Variants in TRIM5 observed in about 807,000 individuals in gnomAD.
The protein encoded by TRIM5 is tripartite motif containing 5, also known as tripartite motif-containing protein 5.
A neutral mutation model predicts 35.6 loss-of-function variants in TRIM5; 31 were observed. That is an observed-to-expected ratio of 0.87 (90% CI 0.65 to 1.18). The LOEUF (loss-of-function observed/expected upper bound fraction) is 1.18, where lower values mean the gene tolerates loss of function less well. Ranked by LOEUF, TRIM5 falls within the 50% of genes most tolerant of loss-of-function variation. TRIM5 has a pLI of 0.00. For missense variants in TRIM5, 609 were observed against 591.6 expected, an observed-to-expected ratio of 1.03 and a Z score of -0.31; for synonymous variants, 243 against 215.6, an observed-to-expected ratio of 1.13 and a Z score of -1.11.
At chr11:5,644,500 G>A in the TRIM5 span, 1 of 369,296 alleles carries the variant, frequency 2.7e-6, no homozygotes. Flanking sequence ...AGACTCCACT[G>A]TTAAGACCAC....
chr11:5,632,422 G>T, the TRIM5 span: 1 of 1,614,010 alleles, frequency 6.2e-7, no homozygotes. Context: ...TCTAGACTGT[G>T]GCCACAGCCT....
At chr11:5,637,152 G>A in the TRIM5 span, among the ~76,000 whole-genome samples, 4 of 140,924 alleles carry the variant, frequency 2.8e-5, no homozygotes, top group Non-Finnish European at 4.6e-5. Flanking sequence ...CAGCCTGGGC[G>A]ACAGAGCGAG....
chr11:5,662,304 A>T (rs947732430), downstream of TRIM5, among the ~76,000 whole-genome samples: 1 of 152,256 alleles, frequency 6.6e-6, no homozygotes, highest in Non-Finnish European at 1.5e-5. Flanking sequence ...AACTTGGGAA[A>T]GAGTTGGAAA....
chr11:5,665,837 T>C, intron 6 of TRIM5, 144 bp downstream of exon 6: 1 of 1,328,764 alleles, frequency 7.5e-7, no homozygotes, highest in Non-Finnish European at 1.0e-6. Flanking sequence ...CCATTTCCCA[T>C]TAAATATAAT....
the TRIM5 span, among the ~76,000 whole-genome samples, chr11:5,626,012 G>C: frequency 6.6e-6 from 1 of 152,218 alleles, no homozygotes; most frequent in South Asian, 2.1e-4. Context: ...TTTGCACCTT[G>C]ATTGATATGT....
chr11:5,595,862 T>C, the TRIM5 span, among the ~76,000 whole-genome samples: 4 of 152,236 alleles, frequency 2.6e-5, no homozygotes, highest in East Asian at 5.8e-4. Context: ...TCTGTATTTT[T>C]AGTAGAGACA....
At chr11:5,618,207 T>C in the TRIM5 span, among the ~76,000 whole-genome samples, 4 of 152,068 alleles carry the variant, frequency 2.6e-5, no homozygotes, top group Non-Finnish European at 5.9e-5. Context: ...CCATCTCTAC[T>C]AAAAATACAA....
the TRIM5 span, among the ~76,000 whole-genome samples, chr11:5,655,096 G>A: frequency 2.0e-5 from 3 of 151,878 alleles, no homozygotes; most frequent in African/African-American, 7.3e-5. Context: ...GGGAGGCTGA[G>A]GCAGGAGAAT....
the TRIM5 span, chr11:5,634,947 G>T: frequency 1.4e-6 from 2 of 1,451,772 alleles, no homozygotes; most frequent in Admixed American, 2.3e-5. Context: ...GACACTAAGG[G>T]GTTTCTTTGG....
At chr11:5,681,141 G>A (rs926249224) in intron 1 of TRIM5, among the ~76,000 whole-genome samples, 11 of 152,098 alleles carry the variant, frequency 7.2e-5, no homozygotes, top group African/African-American at 1.7e-4. Context: ...CACACATGTT[G>A]GATACTTGAA....
chr11:5,677,817 C>G (rs532954045), intron 4 of TRIM5: 219 of 159,136 alleles, frequency 1.4e-3, no homozygotes, highest in African/African-American at 5.1e-3. Context: ...AGGAAAAAGT[C>G]TCAATTAATT....
chr11:5,622,481 A>ACGTGGTG, the TRIM5 span, among the ~76,000 whole-genome samples: 45,605 of 149,946 alleles, frequency 0.3, 7,566 homozygotes, highest in East Asian at 0.62. Flanking sequence ...AATTAGCTGG[A>ACGTGGTG]CGTGGTGGCG....
the TRIM5 span, among the ~76,000 whole-genome samples, chr11:5,639,608 A>T: frequency 3.7e-4 from 47 of 127,916 alleles, no homozygotes; most frequent in African/African-American, 1.3e-3. Context: ...TGAACCGGGG[A>T]GGTGGAGGTT....
the TRIM5 span, chr11:5,642,675 A>G: frequency 7.6e-7 from 1 of 1,313,778 alleles, no homozygotes; most frequent in East Asian, 2.8e-5. Context: ...AAAAATGGCT[A>G]GGTCTCTGGT....
the TRIM5 span, among the ~76,000 whole-genome samples, chr11:5,633,544 C>T: frequency 7.4e-4 from 112 of 152,300 alleles, no homozygotes; most frequent in Non-Finnish European, 1.4e-3. Flanking sequence ...GAGGAAAGGA[C>T]TTTCTGCAGG....
In TRIM5 at chr11:5,663,681, G is replaced by A. The variant is rs1044795401; in HGVS notation, c.*1128C>T. On this transcript the variant is annotated 3_prime_UTR_variant, in exon 8 of 8. Coordinates refer to ENST00000380034, the MANE Select transcript of TRIM5 (RefSeq NM_033034.3). ...TATACATATTTATGTGGTACAGTGT[G>A]ATGTTTTGATACATGTATACATTGC... 1.4e-4 allele frequency: 95 copies of A among 656,894 alleles called. No homozygotes were observed. The highest frequency in any genetic ancestry group is 1.7e-4 in the Non-Finnish European group (91 of 529,990). 40.7% of individuals were successfully genotyped at this position (656,894 alleles called of 1,614,324 possible).
the TRIM5 span, among the ~76,000 whole-genome samples, chr11:5,635,394 A>G: frequency 6.6e-6 from 1 of 151,772 alleles, no homozygotes; most frequent in Non-Finnish European, 1.5e-5. Flanking sequence ...AGCTGGGACT[A>G]CAGGCACCCA....
chr11:5,678,043 C>T, intron 4 of TRIM5, 161 bp downstream of exon 4: 1 of 610,982 alleles, frequency 1.6e-6, no homozygotes, highest in South Asian at 2.8e-5. Context: ...TTATCTCTTG[C>T]TACTTCTACA....
At chr11:5,656,822 A>C in the TRIM5 span, among the ~76,000 whole-genome samples, 1 of 152,200 alleles carries the variant, frequency 6.6e-6, no homozygotes, top group African/African-American at 2.4e-5. Context: ...CAGATGCTGG[A>C]GATGATGTGG....
Sources: gnomAD v4.1 joint callset for allele counts (sites outside exome capture counted in the v4.1 genomes callset) on GRCh38, gnomAD v4.1.1 for gene constraint, MANE v1.5 for transcripts, NCBI Gene and HGNC (gene_info 2026-07-23, HGNC 2026-07-21) for gene names.